Variants in EEPD1 observed in about 807,000 individuals in gnomAD.
EEPD1 encodes endonuclease/exonuclease/phosphatase family domain containing 1.
A neutral mutation model predicts 46.3 loss-of-function variants in EEPD1; 17 were observed. The ratio of observed to expected loss-of-function variants is 0.37; its 90% CI spans 0.25 to 0.55. The LOEUF is 0.55. Ranked by LOEUF, EEPD1 falls within the 20% of genes least tolerant of loss-of-function variation. The pLI is 0.83. For synonymous variants in EEPD1, 313 were observed against 315.6 expected (o/e 0.99, Z 0.09); for missense variants, 673 against 745.6 (o/e 0.90, Z 1.13).
chr7:36,219,877 A>T (rs968151451), intron 2 of EEPD1, among the ~76,000 whole-genome samples: 3 of 152,000 alleles, frequency 2.0e-5, no homozygotes, highest in African/African-American at 7.3e-5. Flanking sequence ...AAAGAGATAT[A>T]TAAAACATGA....
intron 6 of EEPD1, 116 bp downstream of exon 6, chr7:36,287,893 G>A: frequency 7.0e-7 from 1 of 1,427,750 alleles, no homozygotes; most frequent in Non-Finnish European, 9.5e-7. Flanking sequence ...GTGAGTCGCG[G>A]GTACAGGGGA....
intron 2 of EEPD1, among the ~76,000 whole-genome samples, chr7:36,162,321 T>A (rs56320330): frequency 0.094 from 14,363 of 152,160 alleles, 747 homozygotes; most frequent in African/African-American, 0.14. Flanking sequence ...AAGGGAAGTG[T>A]GGAATCCTTC....
At chr7:36,254,796 C>G (rs1239656170) in intron 3 of EEPD1, among the ~76,000 whole-genome samples, 1 of 152,228 alleles carries the variant, frequency 6.6e-6, no homozygotes, top group East Asian at 1.9e-4. Context: ...TCTCCAGCAT[C>G]TGTTGTTTCC....
intron 3 of EEPD1, among the ~76,000 whole-genome samples, chr7:36,279,770 A>G (rs1021211799): frequency 1.3e-5 from 2 of 152,250 alleles, no homozygotes; most frequent in African/African-American, 4.8e-5. Context: ...CTGATCCAGT[A>G]GGTCTAGGAT....
chr7:36,290,207 C>T (rs1367595243), intron 6 of EEPD1, among the ~76,000 whole-genome samples: 1 of 152,170 alleles, frequency 6.6e-6, no homozygotes, highest in Non-Finnish European at 1.5e-5. Context: ...CAGCCTTAGG[C>T]AGTCACCATC....
At chr7:36,226,605 A>G (rs1414678250) in intron 2 of EEPD1, among the ~76,000 whole-genome samples, 3 of 152,244 alleles carry the variant, frequency 2.0e-5, no homozygotes, top group African/African-American at 7.2e-5. Flanking sequence ...GAGTCTCAAT[A>G]CACTTTACTA....
At chr7:36,284,603 C>T (rs1370357762) in intron 4 of EEPD1, 83 bp from the exon 5 acceptor site, 21 of 1,506,622 alleles carry the variant, frequency 1.4e-5, no homozygotes, top group Middle Eastern at 2.3e-4. Flanking sequence ...TACTGCCTCT[C>T]GGTCTCTCTG....
intron 2 of EEPD1, among the ~76,000 whole-genome samples, chr7:36,214,183 T>C (rs1785987056): frequency 6.6e-6 from 1 of 151,894 alleles, no homozygotes; most frequent in Admixed American, 6.6e-5. Flanking sequence ...AGAGCACAGG[T>C]GGGTTCACTG....
intron 2 of EEPD1, among the ~76,000 whole-genome samples, chr7:36,222,948 C>T (rs893321621): frequency 2.0e-5 from 3 of 152,050 alleles, no homozygotes; most frequent in Admixed American, 2.0e-4. Context: ...GTCAGGAGTT[C>T]GAGACCAGCC....
chr7:36,279,563 G>A (rs960324801), intron 3 of EEPD1, among the ~76,000 whole-genome samples: 3 of 152,202 alleles, frequency 2.0e-5, no homozygotes, highest in African/African-American at 7.2e-5. Flanking sequence ...GGCTGCCCAG[G>A]GGGCATGAGA....
At chr7:36,197,237 A>G (rs1171805396) in intron 2 of EEPD1, among the ~76,000 whole-genome samples, 12 of 140,322 alleles carry the variant, frequency 8.6e-5, no homozygotes, top group African/African-American at 1.1e-4. Context: ...TCCGGGAGGG[A>G]GGTGGGGGGG....
At chr7:36,177,488 A>C (rs1785203007) in intron 2 of EEPD1, among the ~76,000 whole-genome samples, 1 of 152,050 alleles carries the variant, frequency 6.6e-6, no homozygotes, top group South Asian at 2.1e-4. Context: ...CCTAGTGCTT[A>C]GCTCCCACTT....
intron 6 of EEPD1, among the ~76,000 whole-genome samples, chr7:36,291,657 C>T (rs1348039971): frequency 2.6e-5 from 4 of 152,246 alleles, no homozygotes; most frequent in African/African-American, 9.6e-5. Context: ...CATGCGCCCT[C>T]TGGTGGTGGC....
intron 2 of EEPD1, among the ~76,000 whole-genome samples, chr7:36,162,943 A>C (rs563931669): frequency 3.9e-5 from 6 of 152,314 alleles, no homozygotes; most frequent in Non-Finnish European, 7.3e-5. Context: ...GCTCACCCCA[A>C]AACTGGAGAA....
At chr7:36,198,342 G>GAAAAAAAAAAAAAAAAT (rs1361024411) in intron 2 of EEPD1, among the ~76,000 whole-genome samples, 1 of 33,118 alleles carries the variant, frequency 3.0e-5, no homozygotes, top group African/African-American at 1.2e-4. Flanking sequence ...AAAAAGAAAA[G>GAAAAAAAAAAAAAAAAT]AAAAAAAAAA....
At chr7:36,271,114 G>T (rs998325344) in intron 3 of EEPD1, among the ~76,000 whole-genome samples, 3 of 151,994 alleles carry the variant, frequency 2.0e-5, no homozygotes, top group African/African-American at 7.3e-5. Flanking sequence ...AGCCTCCCGA[G>T]TAGCTGGGAT....
At chr7:36,232,230 A>C (rs1786345446) in intron 2 of EEPD1, among the ~76,000 whole-genome samples, 1 of 142,866 alleles carries the variant, frequency 7.0e-6, no homozygotes, top group South Asian at 2.2e-4. Context: ...TTTGAGATGG[A>C]GTCTCACTCT....
intron 5 of EEPD1, among the ~76,000 whole-genome samples, chr7:36,286,397 C>T (rs912623961): frequency 3.9e-5 from 6 of 152,340 alleles, no homozygotes; most frequent in East Asian, 1.9e-4. Flanking sequence ...GGACCACATC[C>T]GTAAGATAAG....
chr7:36,205,111 G>A (rs1785787224), intron 2 of EEPD1, among the ~76,000 whole-genome samples: 2 of 152,200 alleles, frequency 1.3e-5, no homozygotes, highest in Admixed American at 6.5e-5. Context: ...CAGGGAAGGA[G>A]TTGGTGTGTT....
Sources: allele counts gnomAD v4.1 joint callset (sites outside exome capture counted in the v4.1 genomes callset), GRCh38; gene constraint gnomAD v4.1.1; transcripts MANE v1.5; gene names NCBI Gene and HGNC (gene_info 2026-07-23, HGNC 2026-07-21).